Variants in PHIP observed in about 807,000 individuals in gnomAD.
PHIP encodes PHIP subunit of CUL4-Ring ligase complex, also known as PH-interacting protein.
In PHIP, 54 loss-of-function variants were observed where a neutral mutation model predicts 236.8. The observed-to-expected ratio is 0.23, with a 90% CI of 0.18 to 0.29. The LOEUF is 0.29. PHIP is among the 10% of genes least tolerant of loss of function. The pLI, the probability that PHIP is intolerant of heterozygous loss-of-function variation, is 1.00. For synonymous variants in PHIP, 756 were observed against 718.9 expected, an observed-to-expected ratio of 1.05 and a Z score of -0.83; for missense variants, 1,370 against 2,190.8, an observed-to-expected ratio of 0.63 and a Z score of 7.48.
At chr6:78,955,495 A>G (rs998683327) in intron 33 of PHIP, 118 bp downstream of exon 33, 3 of 548,208 alleles carry the variant, frequency 5.5e-6, no homozygotes, top group Non-Finnish European at 9.7e-6. Flanking sequence ...TTTTTTTTTA[A>G]ATTAACTACA....
At chr6:78,996,330 T>C (rs900699022) in intron 19 of PHIP, among the ~76,000 whole-genome samples, 2 of 152,198 alleles carry the variant, frequency 1.3e-5, no homozygotes, top group Non-Finnish European at 2.9e-5. Context: ...GTTACTGATA[T>C]GGTTTTTGTG....
intron 17 of PHIP, among the ~76,000 whole-genome samples, chr6:79,001,567 T>C (rs1770000282): frequency 6.6e-6 from 1 of 152,098 alleles, no homozygotes; most frequent in Non-Finnish European, 1.5e-5. Flanking sequence ...TGAATAGCCA[T>C]GGCTTAGCAG....
At chr6:79,034,138 A>C (rs984833763) in intron 7 of PHIP, among the ~76,000 whole-genome samples, 1 of 152,218 alleles carries the variant, frequency 6.6e-6, no homozygotes, top group Non-Finnish European at 1.5e-5. Context: ...TGAAAGAGAC[A>C]AGACTTGAGC....
rs895099877 is a variant in PHIP at position 79,007,593 on chromosome 6, G to C, written c.1525-3735C>G. Among the ~76,000 whole-genome samples, 11 of 150,864 alleles carry C rather than the reference G, an allele frequency of 7.3e-5. No individual in the cohort carries two copies. In the East Asian group the frequency reaches 1.2e-3, roughly 16 times the overall value. ...AGGTTAAAAAATATGGGCTATCTTA[G>C]GCAGAACCATCCTCTTCTAGAGTTA... On this transcript the variant is annotated intron_variant, in intron 15 of 39. Transcript: ENST00000275034.
At chr6:79,052,088 G>A (rs1772822240) in intron 6 of PHIP, among the ~76,000 whole-genome samples, 1 of 151,978 alleles carries the variant, frequency 6.6e-6, no homozygotes, top group Admixed American at 6.6e-5. Flanking sequence ...CATGAAACAA[G>A]GACTTACAAC....
At chr6:78,987,218 T>C (rs934847818) in intron 21 of PHIP, among the ~76,000 whole-genome samples, 3 of 152,122 alleles carry the variant, frequency 2.0e-5, no homozygotes, top group Non-Finnish European at 2.9e-5. Context: ...AAATATTATA[T>C]AGAAACTTAA....
At chr6:78,974,256 C>T (rs1233434905) in intron 24 of PHIP, among the ~76,000 whole-genome samples, 1 of 152,034 alleles carries the variant, frequency 6.6e-6, no homozygotes, top group Non-Finnish European at 1.5e-5. Flanking sequence ...GGAAACTGAA[C>T]AACCTGCTCC....
intron 32 of PHIP, chr6:78,955,933 G>A (rs1766391721): frequency 4.0e-6 from 1 of 250,342 alleles, no homozygotes; most frequent in African/African-American, 2.2e-5. Context: ...CTTTGCTTAG[G>A]TATCTGCTGT....
intron 17 of PHIP, 41 bp downstream of exon 17, chr6:79,001,858 G>C: frequency 7.6e-7 from 1 of 1,324,066 alleles, no homozygotes; most frequent in Non-Finnish European, 1.1e-6. Context: ...CAGTTCGGTG[G>C]GAAGAAGAAA....
chr6:78,994,837 G>A (rs1287203027), intron 19 of PHIP, among the ~76,000 whole-genome samples: 1 of 152,170 alleles, frequency 6.6e-6, no homozygotes, highest in Non-Finnish European at 1.5e-5. Flanking sequence ...ATCACTGAAG[G>A]TTCAGATGGT....
At chr6:78,970,200 C>A (rs376921542) in intron 25 of PHIP, 27 bp from the exon 26 acceptor site, 9 of 1,595,188 alleles carry the variant, frequency 5.6e-6, no homozygotes, top group African/African-American at 5.4e-5. Flanking sequence ...ATATAAGGAA[C>A]CATCTTTACA....
intron 7 of PHIP, among the ~76,000 whole-genome samples, chr6:79,039,380 A>G (rs147168956): frequency 2.2e-4 from 34 of 152,174 alleles, no homozygotes; most frequent in African/African-American, 7.9e-4. Flanking sequence ...CGACTCCTAA[A>G]TTTACCAAGC....
At chr6:79,015,559 T>G in intron 14 of PHIP, 71 bp downstream of exon 14, 1 of 1,154,418 alleles carries the variant, frequency 8.7e-7, no homozygotes, top group Non-Finnish European at 1.2e-6. Context: ...AAGACTTTAT[T>G]CCTCAATGAG....
At chr6:78,975,256 G>C (rs1767960258) in intron 24 of PHIP, among the ~76,000 whole-genome samples, 1 of 152,130 alleles carries the variant, frequency 6.6e-6, no homozygotes, top group African/African-American at 2.4e-5. Context: ...CATATAAACA[G>C]AGCCAAAGAC....
Position 79,021,428 on chromosome 6 carries a change from G to A in PHIP, c.924-2269C>T, listed in dbSNP as rs532723503. ...CTCCCAAAGTGCTGGGATCACAGGC[G>A]TGAGCCAACACGCCCCGCCACAATA... is the stretch of plus-strand genomic sequence containing the variant. On this transcript the variant is annotated intron_variant, in intron 9 of 39. Coordinates refer to ENST00000275034, the MANE Select transcript of PHIP (RefSeq NM_017934.7). Among the ~76,000 whole-genome samples the A allele has an allele frequency of 1.2e-4, 18 of 152,206 alleles. No individual in the cohort carries two copies. The East Asian group carries it at 1.9e-3, about 16-fold the overall frequency.
At chr6:79,059,626 A>ATATATATGTAT (rs1562216785) in intron 6 of PHIP, among the ~76,000 whole-genome samples, 16 of 43,206 alleles carry the variant, frequency 3.7e-4, no homozygotes, top group Non-Finnish European at 6.7e-4. Context: ...TATATATATA[A>ATATATATGTAT]AAATGCCAAA....
chr6:79,066,756 C>A (rs1477512802), intron 4 of PHIP, among the ~76,000 whole-genome samples: 2 of 151,996 alleles, frequency 1.3e-5, no homozygotes, highest in African/African-American at 4.8e-5. Flanking sequence ...TGCTCTAAAC[C>A]CTTAATTTAA....
At chr6:79,005,569 G>A (rs1770243587) in intron 15 of PHIP, among the ~76,000 whole-genome samples, 1 of 151,812 alleles carries the variant, frequency 6.6e-6, no homozygotes, top group Non-Finnish European at 1.5e-5. Flanking sequence ...GTTGTTAAAT[G>A]ATTTTTTTTT....
Position 78,941,034 on chromosome 6 carries a change from T to G in PHIP, c.5125A>C (p.Lys1709Gln), listed in dbSNP as rs1329609924. ...TTGGGCTTCCTACCTCCACGATTCTTTTTCTGTAACAAATCTTCCTTTACA... is the reference window on the plus strand; with the variant it reads ...TTGGGCTTCCTACCTCCACGATTCTGTTTCTGTAACAAATCTTCCTTTACA... ...NNVKEDLLQKKNRGGRKPKRK... is the reference protein window; with the variant it reads ...NNVKEDLLQKQNRGGRKPKRK... Residue 1709 changes from lysine to glutamine, a missense_variant, in exon 40 of 40, where the codon AAG (lysine) becomes CAG (glutamine). Transcript: ENST00000275034. The G allele has an allele frequency of 1.2e-6, 2 of 1,614,040 alleles. No homozygotes were observed. The highest frequency in any genetic ancestry group is 1.1e-5 in the South Asian group (1 of 91,084).
Sources: allele counts gnomAD v4.1 joint callset (sites outside exome capture counted in the v4.1 genomes callset), GRCh38; gene constraint gnomAD v4.1.1; transcripts MANE v1.5; gene names NCBI Gene and HGNC (gene_info 2026-07-23, HGNC 2026-07-21).